Variants in PDE7A observed in about 807,000 individuals in gnomAD.
PDE7A encodes the protein phosphodiesterase 7A.
In PDE7A, 39 loss-of-function variants were observed where a neutral mutation model predicts 64.3. That is an observed-to-expected ratio of 0.61 (90% CI 0.47 to 0.79). The LOEUF (loss-of-function observed/expected upper bound fraction) is 0.79, where lower values mean the gene tolerates loss of function less well. Among genes scored for constraint, PDE7A ranks in the 30% least tolerant of loss-of-function variants. The pLI, the probability that PDE7A is intolerant of heterozygous loss-of-function variation, is 0.00. For missense variants in PDE7A, 470 were observed against 582.8 expected, an observed-to-expected ratio of 0.81 and a Z score of 1.99; for synonymous variants, 203 against 206.8, an observed-to-expected ratio of 0.98 and a Z score of 0.16.
chr8:65,838,030 T>TA (rs572753100), intron 1 of PDE7A, among the ~76,000 whole-genome samples: 381 of 143,234 alleles, frequency 2.7e-3, no homozygotes, highest in African/African-American at 6.6e-3. Flanking sequence ...AAATATTTCT[T>TA]AAAAAAAAAA....
chr8:65,736,296 G>A (rs1807125018), intron 6 of PDE7A, among the ~76,000 whole-genome samples: 1 of 152,212 alleles, frequency 6.6e-6, no homozygotes, highest in East Asian at 1.9e-4. Context: ...ACAATGGTGT[G>A]CAATTCAAAA....
chr8:65,809,448 A>C (rs568870420), intron 1 of PDE7A, among the ~76,000 whole-genome samples: 19 of 152,332 alleles, frequency 1.2e-4, no homozygotes, highest in South Asian at 2.1e-4. Flanking sequence ...CAAAAAATCC[A>C]AGGATGTCAA....
chr8:65,753,878 C>A (rs1186514448), intron 3 of PDE7A, among the ~76,000 whole-genome samples: 1 of 152,112 alleles, frequency 6.6e-6, no homozygotes, highest in Non-Finnish European at 1.5e-5. Context: ...TGCCTTTTAT[C>A]TCATAACCTT....
intron 3 of PDE7A, among the ~76,000 whole-genome samples, chr8:65,766,094 C>T (rs953495981): frequency 1.3e-5 from 2 of 151,922 alleles, no homozygotes; most frequent in African/African-American, 2.4e-5. Flanking sequence ...TACAGGCGCC[C>T]GCCACCACGC....
At chr8:65,836,723 C>T (rs1292074460) in intron 1 of PDE7A, among the ~76,000 whole-genome samples, 1 of 152,168 alleles carries the variant, frequency 6.6e-6, no homozygotes, top group Non-Finnish European at 1.5e-5. Context: ...AGCTGCTAGC[C>T]ATATGTAGCT....
chr8:65,839,056 G>C (rs901352744), intron 1 of PDE7A, among the ~76,000 whole-genome samples: 1 of 152,140 alleles, frequency 6.6e-6, no homozygotes, highest in Admixed American at 6.5e-5. Context: ...CTCAGTCAGA[G>C]ATAATTTCAT....
At position 65,825,800 on chromosome 8, in the gene PDE7A, G is replaced by A. The variant is rs532774149; in HGVS notation, c.138+15571C>T. Among the ~76,000 whole-genome samples, 3 of 152,202 alleles carry A rather than the reference G, an allele frequency of 2.0e-5. No homozygotes were observed. The East Asian group carries it at 5.8e-4, about 29-fold the overall frequency. On this transcript the variant is annotated intron_variant, in intron 1 of 12. Transcript: ENST00000401827. The stretch of plus-strand genomic sequence containing the variant: ...TGATGTACACTAGGGACACAGTAGT[G>A]AATAGGGTAAACAGGACTCCTGTTG...
At chr8:65,733,435 T>C (rs1379012609) in intron 7 of PDE7A, among the ~76,000 whole-genome samples, 1 of 152,222 alleles carries the variant, frequency 6.6e-6, no homozygotes, top group African/African-American at 2.4e-5. Flanking sequence ...GGATGCAGTC[T>C]TGGCCCAGAG....
At chr8:65,823,427 A>G (rs1585947804) in intron 1 of PDE7A, among the ~76,000 whole-genome samples, 1 of 152,186 alleles carries the variant, frequency 6.6e-6, no homozygotes, top group African/African-American at 2.4e-5. Context: ...CAAGATATAA[A>G]TTCTCCTTAA....
intron 1 of PDE7A, among the ~76,000 whole-genome samples, chr8:65,832,987 C>T (rs1810869681): frequency 6.6e-6 from 1 of 152,226 alleles, no homozygotes; most frequent in Admixed American, 6.5e-5. Flanking sequence ...ATTTCCACTA[C>T]TTAATTGTGT....
intron 12 of PDE7A, chr8:65,722,938 C>A (rs952998423): frequency 6.6e-6 from 1 of 152,218 alleles, no homozygotes; most frequent in Middle Eastern, 3.4e-3. Flanking sequence ...AAAGCACTGG[C>A]GAGGCACAAA....
At chr8:65,789,203 G>A (rs1563508550) in intron 1 of PDE7A, 1 of 474,444 alleles carries the variant, frequency 2.1e-6, no homozygotes, top group Non-Finnish European at 3.4e-6. Context: ...GTTGGAAGAG[G>A]GGAGGGAAAA....
At chr8:65,724,226 A>G in intron 11 of PDE7A, 29 bp downstream of exon 11, 2 of 1,382,180 alleles carry the variant, frequency 1.4e-6, no homozygotes, top group Non-Finnish European at 1.0e-6. Context: ...AACTGGATAG[A>G]TTAATTATCA....
In PDE7A at chr8:65,781,317, G is replaced by A. The variant is rs568829872; in HGVS notation, c.199+1466C>T. On this transcript the variant is annotated intron_variant, in intron 2 of 12. Transcript: ENST00000401827. The stretch of plus-strand genomic sequence containing the variant: ...AAGGCAAGAGGCTGGCGTGGCAGGA[G>A]CAAGGTGAGTGAGGGGAACTGGTGG... 1.2e-4 allele frequency among the ~76,000 whole-genome samples: 18 copies of A among 152,160 alleles called. No homozygotes were observed. In the East Asian group the frequency reaches 3.5e-3, roughly 29 times the overall value.
chr8:65,822,302 C>T (rs1190846069), intron 1 of PDE7A, among the ~76,000 whole-genome samples: 2 of 152,136 alleles, frequency 1.3e-5, no homozygotes, highest in Non-Finnish European at 2.9e-5. Flanking sequence ...CTCCGTCATT[C>T]TAAGAAAAAA....
Position 65,841,396 on chromosome 8 carries a change from C to T in PDE7A, c.113G>A (p.Cys38Tyr). The change falls in exon 1 of 13, where the codon TGC becomes TAC. Residue 38 changes from cysteine to tyrosine, a missense_variant. Cys to Tyr is a radical substitution (Grantham distance 194). Transcript: ENST00000401827. ...CTGAGAGAGCTGCCGGGGATTGGGG[C>T]AGCCGAAGAGAGCGGAGCTGGAGCT... ...SFSSSSALFGCPNPRQLSQRR... is the reference protein window; with the variant it reads ...SFSSSSALFGYPNPRQLSQRR... The T allele has an allele frequency of 1.3e-6, 2 of 1,562,088 alleles. No homozygotes were observed. Among genetic ancestry groups the T allele is most frequent in the South Asian group, 1.2e-5 (1 of 85,758 alleles).
At chr8:65,744,283 A>G (rs1408504901) in intron 5 of PDE7A, among the ~76,000 whole-genome samples, 1 of 152,240 alleles carries the variant, frequency 6.6e-6, no homozygotes, top group Non-Finnish European at 1.5e-5. Flanking sequence ...ATGGAAATGG[A>G]AATGAACACT....
intron 1 of PDE7A, among the ~76,000 whole-genome samples, chr8:65,820,781 G>C (rs1810523195): frequency 6.6e-6 from 1 of 152,070 alleles, no homozygotes; most frequent in African/African-American, 2.4e-5. Flanking sequence ...GTAAAGACAG[G>C]GTTTCACCAC....
At chr8:65,780,023 C>T (rs1427955157) in intron 2 of PDE7A, among the ~76,000 whole-genome samples, 1 of 151,608 alleles carries the variant, frequency 6.6e-6, no homozygotes, top group African/African-American at 2.4e-5. Context: ...TAAATCTACC[C>T]CTATAATAAT....
Sources: gnomAD v4.1 joint callset for allele counts (sites outside exome capture counted in the v4.1 genomes callset) on GRCh38, gnomAD v4.1.1 for gene constraint, MANE v1.5 for transcripts, NCBI Gene and HGNC (gene_info 2026-07-23, HGNC 2026-07-21) for gene names.